Variants in CENPP observed in about 807,000 individuals in gnomAD.
The protein encoded by CENPP is centromere protein P.
A neutral mutation model predicts 35.6 loss-of-function variants in CENPP; 24 were observed. That is an observed-to-expected ratio of 0.67 (90% CI 0.49 to 0.95). The LOEUF (loss-of-function observed/expected upper bound fraction) is 0.95. CENPP is among the 40% of genes least tolerant of loss of function. CENPP has a pLI of 0.00. For missense variants in CENPP, 332 were observed against 345.3 expected, an observed-to-expected ratio of 0.96 and a Z score of 0.31; for synonymous variants, 120 against 125.5, an observed-to-expected ratio of 0.96 and a Z score of 0.29.
chr9:92,503,079 A>T (rs1195993511), intron 5 of CENPP, among the ~76,000 whole-genome samples: 2 of 152,170 alleles, frequency 1.3e-5, no homozygotes, highest in East Asian at 3.8e-4. Context: ...AAGTGCTGGA[A>T]TTACAGGAAA....
chr9:92,447,125 C>T (rs762467394), intron 5 of CENPP, among the ~76,000 whole-genome samples: 2 of 151,924 alleles, frequency 1.3e-5, no homozygotes, highest in Non-Finnish European at 2.9e-5. Context: ...CACCAGGGAC[C>T]AGTTTTGTGG....
chr9:92,474,664 T>C (rs1182831850), intron 5 of CENPP: 1 of 1,613,810 alleles, frequency 6.2e-7, no homozygotes, highest in Admixed American at 1.7e-5. Flanking sequence ...AGCACTGACA[T>C]CCAAATGGAC....
rs1292965863 is a variant in CENPP at position 92,618,650 on chromosome 9, G to GT, written c.*5505dup. The GT allele has an allele frequency of 9.1e-6, 4 of 439,450 alleles. No individual in the cohort carries two copies. Among genetic ancestry groups the GT allele is most frequent in the Non-Finnish European group, 1.9e-5 (4 of 216,174 alleles). 27.2% of individuals were successfully genotyped at this position (439,450 alleles called of 1,614,324 possible). On this transcript the variant is annotated 3_prime_UTR_variant, in exon 8 of 8. Transcript: ENST00000375587. ...GGTATTTCCTTAGGGGATAACAGGA[G>GT]TTTTCAACTAAATAGAACAACCTTT...
At chr9:92,426,727 G>A (rs1843977589) in intron 5 of CENPP, among the ~76,000 whole-genome samples, 3 of 152,132 alleles carry the variant, frequency 2.0e-5, no homozygotes, top group Admixed American at 2.0e-4. Flanking sequence ...AAATAAATAA[G>A]CGAGGTGAGG....
chr9:92,410,112 G>A (rs1588110027), intron 5 of CENPP, among the ~76,000 whole-genome samples: 1 of 151,828 alleles, frequency 6.6e-6, no homozygotes, highest in South Asian at 2.1e-4. Flanking sequence ...AATTTTTTGT[G>A]TTTTTAGTAG....
At chr9:92,533,328 A>AATATATATAT (rs202147064) in intron 5 of CENPP, among the ~76,000 whole-genome samples, 37 of 38,334 alleles carry the variant, frequency 9.7e-4, no homozygotes, top group East Asian at 5.2e-3. Context: ...AAAAAAAAAA[A>AATATATATAT]ATATATATAT....
intron 5 of CENPP, among the ~76,000 whole-genome samples, chr9:92,530,334 T>C (rs186986361): frequency 1.3e-5 from 2 of 152,256 alleles, no homozygotes; most frequent in African/African-American, 4.8e-5. Flanking sequence ...TGTGAGATTT[T>C]GATAGTAGGG....
rs368634649 is a variant in CENPP at position 92,416,072 on chromosome 9, T to TATATATATATATA, written c.564+36213_564+36214insATATATATATATA. On this transcript the variant is annotated intron_variant, in intron 5 of 7. Transcript: ENST00000375587. ...TATATATGTGTGTATATATATATAT[T>TATATATATATATA]TATTTATTTATTTATTTATTTATTT... Among the ~76,000 whole-genome samples, 362 of 125,288 alleles carry TATATATATATATA rather than the reference T, an allele frequency of 2.9e-3. 3 individuals are homozygous for TATATATATATATA. Among genetic ancestry groups the TATATATATATATA allele is most frequent in the South Asian group, 8.8e-3 (35 of 3,990 alleles). 82.2% of individuals were successfully genotyped at this position (125,288 alleles called of 152,430 possible). A position where few individuals can be genotyped will look rare whatever the true frequency, so the allele number is the denominator to read the frequency against.
At chr9:92,368,770 GGT>G (rs148540440) in intron 4 of CENPP, among the ~76,000 whole-genome samples, 2,736 of 152,276 alleles carry the variant, frequency 0.018, 92 homozygotes, top group African/African-American at 0.062. Flanking sequence ...CAGATGCAGT[GGT>G]TCATGCCTGT....
At chr9:92,353,777 G>A (rs1340607835) in intron 4 of CENPP, among the ~76,000 whole-genome samples, 2 of 152,178 alleles carry the variant, frequency 1.3e-5, no homozygotes, top group Non-Finnish European at 1.5e-5. Context: ...TTTGCCAGTA[G>A]ATCACTAGGG....
chr9:92,347,097 A>G (rs776467989), intron 4 of CENPP, among the ~76,000 whole-genome samples: 7 of 152,336 alleles, frequency 4.6e-5, no homozygotes, highest in Non-Finnish European at 8.8e-5. Flanking sequence ...CTATGAAGGA[A>G]TATAGAGTAG....
rs996662854 is a variant in CENPP at position 92,387,771 on chromosome 9, C to CT, written c.564+7921dup. Among the ~76,000 whole-genome samples, 19 of 150,974 alleles carry CT rather than the reference C, an allele frequency of 1.3e-4. 1 individual carries two copies. The highest frequency in any genetic ancestry group is 6.6e-4 in the Admixed American group (10 of 15,130). ...GCAGCTGAATTTATTATTTTCTTTT[C>CT]TTTTTTTTTAGAGATGGAGTCTCAC... is the stretch of plus-strand genomic sequence containing the variant. On this transcript the variant is annotated intron_variant, in intron 5 of 7. Coordinates refer to ENST00000375587, the MANE Select transcript of CENPP (RefSeq NM_001012267.3).
At chr9:92,594,796 A>G (rs1217597724) in intron 5 of CENPP, among the ~76,000 whole-genome samples, 2 of 151,448 alleles carry the variant, frequency 1.3e-5, no homozygotes, top group Non-Finnish European at 1.5e-5. Context: ...CTCTACAAAC[A>G]TTTTTTAAAA....
chr9:92,567,373 G>GATATAT lies in CENPP; in HGVS notation c.565-43923_565-43918dup. Among the ~76,000 whole-genome samples the GATATAT allele has an allele frequency of 9.5e-3, 1,223 of 128,980 alleles. 39 individuals carry two copies. Among genetic ancestry groups the GATATAT allele is most frequent in the Non-Finnish European group, 0.014 (841 of 60,592 alleles). The allele number at this position is 128,980 out of a possible 152,430, so 84.6% of individuals were successfully genotyped here. ...ATGGGGTATACAGTTACATAAGATA[G>GATATAT]ATATATATATATATATATATATAGA... On this transcript the variant is annotated intron_variant, in intron 5 of 7. Transcript: ENST00000375587.
intron 5 of CENPP, chr9:92,501,204 A>G (rs1274538745): frequency 3.9e-6 from 3 of 762,080 alleles, no homozygotes; most frequent in Non-Finnish European, 6.2e-6. Flanking sequence ...TTCCAGGTAT[A>G]GCCAGCCCTA....
At chr9:92,587,143 C>CA (rs1258010061) in intron 5 of CENPP, among the ~76,000 whole-genome samples, 1 of 152,022 alleles carries the variant, frequency 6.6e-6, no homozygotes, top group Non-Finnish European at 1.5e-5. Context: ...AAAGTATGAA[C>CA]AAAATGAGAT....
chr9:92,504,021 C>T (rs909269574), intron 5 of CENPP, among the ~76,000 whole-genome samples: 5 of 152,216 alleles, frequency 3.3e-5, no homozygotes, highest in African/African-American at 1.2e-4. Context: ...GTGGATCCCT[C>T]TGGAGAGAGA....
chr9:92,581,864 G>A (rs1012739814), intron 5 of CENPP, among the ~76,000 whole-genome samples: 5 of 152,130 alleles, frequency 3.3e-5, no homozygotes, highest in Admixed American at 3.3e-4. Context: ...AGTAATACAA[G>A]GTTGCTTGAA....
chr9:92,407,682 C>T (rs117206366), intron 5 of CENPP, among the ~76,000 whole-genome samples: 652 of 152,314 alleles, frequency 4.3e-3, no homozygotes, highest in Middle Eastern at 0.014. Context: ...TCATGACTCT[C>T]TGCAGCCTCA....
Sources: gnomAD v4.1 joint callset for allele counts (sites outside exome capture counted in the v4.1 genomes callset) on GRCh38, gnomAD v4.1.1 for gene constraint, MANE v1.5 for transcripts, NCBI Gene and HGNC (gene_info 2026-07-23, HGNC 2026-07-21) for gene names.